Variants in VSIG10L observed in about 807,000 individuals in gnomAD.
The protein encoded by VSIG10L is V-set and immunoglobulin domain containing 10 like.
VSIG10L carries 63 observed loss-of-function variants against 67.3 expected under a neutral mutation model. The ratio of observed to expected loss-of-function variants is 0.94; its 90% confidence interval spans 0.76 to 1.15. The LOEUF (loss-of-function observed/expected upper bound fraction) is 1.15, where lower values mean the gene tolerates loss of function less well. VSIG10L is among the 50% of genes most tolerant of loss of function. The pLI is 0.00. For missense variants in VSIG10L, 1,050 were observed against 1,177.5 expected, an observed-to-expected ratio of 0.89 and a Z score of 1.58; for synonymous variants, 499 against 524.9, an observed-to-expected ratio of 0.95 and a Z score of 0.67.
intron 9 of VSIG10L, 65 bp from the exon 10 acceptor site, chr19:51,332,705 C>A (rs903561417): frequency 1.4e-6 from 2 of 1,437,540 alleles, no homozygotes; most frequent in South Asian, 1.3e-5. Flanking sequence ...ATAACTCACC[C>A]GCCTAACTTT....
At chr19:51,338,344 C>G (rs1353774606) in intron 5 of VSIG10L, 136 bp from the exon 6 acceptor site, 14 of 900,906 alleles carry the variant, frequency 1.6e-5, no homozygotes, top group Non-Finnish European at 2.2e-5. Context: ...TGCCAATTTA[C>G]TCACTCATTA....
intron 2 of VSIG10L, 31 bp downstream of exon 2, chr19:51,341,122 G>A (rs1023673863): frequency 1.8e-5 from 27 of 1,475,544 alleles, no homozygotes; most frequent in African/African-American, 2.8e-5. Flanking sequence ...AGCCCCTGCC[G>A]CCTGCACGCC....
Position 51,339,005 on chromosome 19 carries a change from C to G in VSIG10L, c.1612G>C (p.Gly538Arg), listed in dbSNP as rs756686177. ...GCCAGCAGCACAGAGGACACTGGCC[C>G]GGCGCGGATGCCTTCGGGGAGACCC... ...FQGLPEGIRA[G>R]PVSSVLLAAV... Residue 538 changes from glycine (G) to arginine (R), a missense_variant, in exon 5 of 10, where the codon GGG (glycine) becomes CGG (arginine). Gly to Arg is a moderately radical substitution (Grantham distance 125, BLOSUM62 -2). Transcript: ENST00000335624. 1 of 1,398,462 alleles carries G rather than the reference C, an allele frequency of 7.2e-7. No homozygotes were observed. The highest frequency in any genetic ancestry group is 1.6e-5 in the South Asian group (1 of 64,376). 86.6% of individuals were successfully genotyped at this position (1,398,462 alleles called of 1,614,324 possible).
At chr19:51,333,542 A>AAG (rs1001142013) in intron 9 of VSIG10L, among the ~76,000 whole-genome samples, 2 of 151,880 alleles carry the variant, frequency 1.3e-5, no homozygotes, top group South Asian at 2.1e-4. Flanking sequence ...AAAAAAAAAA[A>AAG]AGAGAGAGAG....
intron 8 of VSIG10L, 73 bp from the exon 9 acceptor site, chr19:51,334,018 G>C: frequency 7.8e-6 from 12 of 1,537,610 alleles, no homozygotes; most frequent in Non-Finnish European, 1.1e-5. Context: ...CCAATAGCAA[G>C]GGAAGCTGGT....
chr19:51,339,983 G>C, intron 4 of VSIG10L, 32 bp downstream of exon 4: 1 of 1,303,854 alleles, frequency 7.7e-7, no homozygotes, highest in Non-Finnish European at 9.8e-7. Context: ...CCCTCTCCCA[G>C]GCATTCCCCT....
intron 6 of VSIG10L, 53 bp from the exon 7 acceptor site, chr19:51,337,587 G>T: frequency 1.5e-6 from 2 of 1,353,776 alleles, no homozygotes; most frequent in Non-Finnish European, 2.0e-6. Flanking sequence ...GGAGAGGGAA[G>T]GGGGCTGGGG....
rs1383869862 is a variant in VSIG10L at position 51,340,482 on chromosome 19, G to T, written c.1140C>A (p.Val380=). 1 of 1,515,932 alleles carries T rather than the reference G, an allele frequency of 6.6e-7. No individual in the cohort carries two copies. The highest frequency in any genetic ancestry group is 2.5e-5 in the East Asian group (1 of 39,976). 93.9% of individuals were successfully genotyped at this position (1,515,932 alleles called of 1,614,324 possible). A position where few individuals can be genotyped will look rare whatever the true frequency, so the allele number is the denominator to read the frequency against. Residue 380 remains valine, a synonymous_variant, in exon 3 of 10, where the codon GTC becomes GTA. Transcript: ENST00000335624. This position sits in a 1 kb window ranked among gnomAD's most constrained non-coding sequence, Gnocchi z 6.3. ...RSDHARYTCR[V]RSPFGHREAA... ...CCTCCCTGTGGCCGAAGGGGCTGCGGACGCGGCAAGTGTACCGGGCGTGGT... is the reference window on the plus strand; with the variant it reads ...CCTCCCTGTGGCCGAAGGGGCTGCGTACGCGGCAAGTGTACCGGGCGTGGT...
chr19:51,340,172 C>G lies in VSIG10L; in HGVS notation c.1317G>C (p.Thr439=), dbSNP rs1294825633. Residue 439 remains threonine (T), a synonymous_variant, in exon 4 of 10, where the codon ACG becomes ACC. Transcript: ENST00000335624. This position sits in a 1 kb window ranked among gnomAD's most constrained non-coding sequence, Gnocchi z 6.3. ...AAASRPPADI[T]WSLADPAEAA... Reference sequence around the variant, plus strand: ...CCTCGGCCGGGTCCGCCAGGCTCCACGTGATGTCGGCGGGCGGCCGCGAGG... The same window carrying G: ...CCTCGGCCGGGTCCGCCAGGCTCCAGGTGATGTCGGCGGGCGGCCGCGAGG... The G allele has an allele frequency of 6.8e-7, 1 of 1,462,038 alleles. No individual in the cohort carries two copies. The highest frequency in any genetic ancestry group is 9.0e-7 in the Non-Finnish European group (1 of 1,113,060). 90.6% of individuals were successfully genotyped at this position (1,462,038 alleles called of 1,614,324 possible).
intron 7 of VSIG10L, among the ~76,000 whole-genome samples, chr19:51,336,710 AAGG>A (rs1272340796): frequency 1.3e-5 from 2 of 151,312 alleles, no homozygotes; most frequent in Non-Finnish European, 2.9e-5. Flanking sequence ...GGAAGACACA[AAGG>A]AGGATTCTAC....
chr19:51,337,109 A>C, intron 7 of VSIG10L, 129 bp downstream of exon 7: 1 of 1,212,020 alleles, frequency 8.3e-7, no homozygotes, highest in Non-Finnish European at 1.1e-6. Flanking sequence ...CTGTGAGAGA[A>C]GAAATTCCTG....
chr19:51,339,204 C>T, intron 4 of VSIG10L, 62 bp from the exon 5 acceptor site: 1 of 1,263,166 alleles, frequency 7.9e-7, no homozygotes, highest in Non-Finnish European at 1.0e-6. Context: ...CCAGCCCCGC[C>T]TCCCCGCGCG....
rs1324547366 is a variant in VSIG10L at position 51,331,723 on chromosome 19, G to A, written c.*888C>T. On this transcript the variant is annotated 3_prime_UTR_variant, in exon 10 of 10. Transcript: ENST00000335624. ...GTCAACAAATATTTATTGATTGCCT[G>A]CTGTGTGTGAGGCTCTGGGTTAAGT... is the stretch of plus-strand genomic sequence containing the variant. The A allele has an allele frequency of 6.6e-6, 1 of 152,210 alleles. No homozygotes were observed. Among genetic ancestry groups the A allele is most frequent in the Non-Finnish European group, 1.5e-5 (1 of 68,038 alleles). 9.4% of individuals were successfully genotyped at this position (152,210 alleles called of 1,614,324 possible). A position where few individuals can be genotyped will look rare whatever the true frequency, so the allele number is the denominator to read the frequency against.
intron 8 of VSIG10L, 102 bp downstream of exon 8, chr19:51,334,088 AC>A: frequency 6.9e-7 from 1 of 1,457,988 alleles, no homozygotes. Context: ...AGGATGGATG[AC>A]CTATGACGGC....
rs1310325015 is a variant in VSIG10L at position 51,339,219 on chromosome 19, C to G, written c.1475-77G>C. ...CCAGCCCCGCCTCCCCGCGCGGTGA[C>G]TCCACCCTTCTTCACTAGCCCCACC... is the stretch of plus-strand genomic sequence containing the variant. On this transcript the variant is annotated intron_variant, in intron 4 of 9. Transcript: ENST00000335624. 7.2e-6 allele frequency: 9 copies of G among 1,257,222 alleles called. No homozygotes were observed. In the African/African-American group the frequency reaches 1.4e-4, roughly 20 times the overall value. The allele number at this position is 1,257,222 out of a possible 1,614,324, so 77.9% of individuals were successfully genotyped here.
In VSIG10L at chr19:51,341,555, G is replaced by A. The variant is rs1245182931; in HGVS notation, c.493C>T (p.Pro165Ser). 3 of 1,551,720 alleles carry A rather than the reference G, an allele frequency of 1.9e-6. No homozygotes were observed. Among genetic ancestry groups the A allele is most frequent in the Non-Finnish European group, 2.6e-6 (3 of 1,147,004 alleles). ...SVEAPDSKFS[P>S]DDMDLKLSAQ... ...GAGAGTTTAAGATCCATATCATCCGGGGAGAATTTTGAATCTGGGGCCTCA... is the reference window on the plus strand; with the variant it reads ...GAGAGTTTAAGATCCATATCATCCGAGGAGAATTTTGAATCTGGGGCCTCA... The change falls in exon 2 of 10, where the codon CCG becomes TCG. Residue 165 changes from proline (P) to serine (S), a missense_variant. Pro to Ser is a moderately conservative substitution (Grantham distance 74). Around this residue, in one of 3 missense-constraint regions of VSIG10L, gnomAD observed 511 missense variants for 557.9 expected, o/e 0.92. Transcript: ENST00000335624.
intron 8 of VSIG10L, 108 bp downstream of exon 8, chr19:51,334,083 G>T: frequency 6.9e-7 from 1 of 1,454,016 alleles, no homozygotes; most frequent in Non-Finnish European, 9.4e-7. Flanking sequence ...AGGGCAGGAT[G>T]GATGACCTAT....
chr19:51,341,755 G>A lies in VSIG10L; in HGVS notation c.293C>T (p.Ser98Phe), dbSNP rs1431421100. The A allele has an allele frequency of 2.6e-6, 4 of 1,551,564 alleles. No homozygotes were observed. In the African/African-American group the frequency reaches 5.5e-5, roughly 21 times the overall value. The change falls in exon 2 of 10, where the codon TCT (serine) becomes TTT (phenylalanine). Residue 98 changes from serine to phenylalanine, a missense_variant. By Grantham distance (155) the Ser-to-Phe change is radical. Around this residue, in one of 3 missense-constraint regions of VSIG10L, gnomAD observed 511 missense variants for 557.9 expected, o/e 0.92. Coordinates refer to ENST00000335624, the MANE Select transcript of VSIG10L (RefSeq NM_001163922.3). The part of the protein sequence containing the change: ...NMSGSFWSNV[S>F]AEGQDLSPVS... Reference sequence around the variant, plus strand: ...CGGGCTCAAATCTTGGCCCTCAGCAGAAACATTTGACCAGAAGGACCCAGA... The same window carrying A: ...CGGGCTCAAATCTTGGCCCTCAGCAAAAACATTTGACCAGAAGGACCCAGA...
Position 51,332,236 on chromosome 19 carries a change from A to G in VSIG10L, c.*375T>C. The G allele has an allele frequency of 2.7e-6, 1 of 363,658 alleles. No homozygotes were observed. Among genetic ancestry groups the G allele is most frequent in the South Asian group, 2.3e-5 (1 of 44,324 alleles). The allele number at this position is 363,658 out of a possible 1,614,324, so 22.5% of individuals were successfully genotyped here. ...GGGAGCTGGATGGGGTGTGGCCTAC[A>G]GGTGGCAAAGTGAATGTAAGGGGAC... On this transcript the variant is annotated 3_prime_UTR_variant, in exon 10 of 10. Coordinates refer to ENST00000335624, the MANE Select transcript of VSIG10L (RefSeq NM_001163922.3).
Sources: allele counts gnomAD v4.1 joint callset (sites outside exome capture counted in the v4.1 genomes callset), GRCh38; gene constraint gnomAD v4.1.1; regional missense constraint gnomAD v4.1.1; non-coding constraint Gnocchi (gnomAD v3.1); transcripts MANE v1.5; gene names NCBI Gene and HGNC (gene_info 2026-07-23, HGNC 2026-07-21).